Variants in ERN1 observed in about 807,000 individuals in gnomAD.
The protein encoded by ERN1 is serine/threonine-protein kinase/endoribonuclease IRE1.
Under a neutral mutation model 113.1 loss-of-function variants are expected in ERN1, and 39 were observed. The ratio of observed to expected loss-of-function variants is 0.34; its 90% confidence interval spans 0.27 to 0.45. The LOEUF is 0.45. Among genes scored for constraint, ERN1 ranks in the 20% least tolerant of loss-of-function variants. The pLI is 1.00. For missense variants in ERN1, 976 were observed against 1,274.8 expected (o/e 0.77, Z 3.57); for synonymous variants, 507 against 515.9 (o/e 0.98, Z 0.23).
intron 1 of ERN1, among the ~76,000 whole-genome samples, chr17:64,101,296 C>T (rs1914378531): frequency 2.0e-5 from 3 of 152,158 alleles, no homozygotes; most frequent in Admixed American, 2.0e-4. Context: ...GTAATCCCAG[C>T]TACTAGAGAC....
At chr17:64,060,708 A>G in intron 10 of ERN1, 121 bp from the exon 11 acceptor site, 1 of 677,622 alleles carries the variant, frequency 1.5e-6, no homozygotes, top group East Asian at 2.6e-5. Context: ...TCTCAGCAGG[A>G]CTGTGAGTTA....
At chr17:64,075,871 G>C (rs2077041) in intron 4 of ERN1, among the ~76,000 whole-genome samples, 30,977 of 152,162 alleles carry the variant, frequency 0.2, 3,450 homozygotes, top group East Asian at 0.35. Flanking sequence ...CCATGGGAGG[G>C]AGCCAGGACA....
chr17:64,042,780 G>C lies in ERN1; in HGVS notation c.*1208C>G, dbSNP rs1032441709. ...TAATGTTTTACTCTTCAGCATTAGA[G>C]AATGTTCTATACATGAACACTCTTG... On this transcript the variant is annotated 3_prime_UTR_variant, in exon 22 of 22. Coordinates refer to ENST00000433197, the MANE Select transcript of ERN1 (RefSeq NM_001433.5). 1.3e-5 allele frequency: 2 copies of C among 151,962 alleles called. No homozygotes were observed. The highest frequency in any genetic ancestry group is 2.9e-5 in the Non-Finnish European group (2 of 68,036). The allele number at this position is 151,962 out of a possible 1,614,324, so 9.4% of individuals were successfully genotyped here.
Position 64,066,655 on chromosome 17 carries a change from C to T in ERN1, c.842+16G>A, listed in dbSNP as rs1018013818. On this transcript the variant is annotated intron_variant, in intron 8 of 21. Transcript: ENST00000433197. ...AGGCCACGGCCGCCCTCTCCTTCCC[C>T]GAGCTCCCAACTCACGTCAGCTTGC... is the stretch of plus-strand genomic sequence containing the variant. The T allele has an allele frequency of 5.0e-6, 8 of 1,611,862 alleles. No individual in the cohort carries two copies. The highest frequency in any genetic ancestry group is 1.7e-5 in the Admixed American group (1 of 59,982).
chr17:64,048,941 A>G (rs951984889), intron 18 of ERN1, 114 bp downstream of exon 18: 53 of 1,099,826 alleles, frequency 4.8e-5, no homozygotes, highest in Non-Finnish European at 6.2e-5. Context: ...CTGCGGGGTG[A>G]GCAGCTGGGG....
intron 2 of ERN1, among the ~76,000 whole-genome samples, chr17:64,090,503 TCA>T (rs147995704): frequency 6.6e-6 from 1 of 152,328 alleles, no homozygotes; most frequent in East Asian, 1.9e-4. Context: ...TGTCATAACT[TCA>T]CAGAATTCAT....
intron 7 of ERN1, among the ~76,000 whole-genome samples, chr17:64,067,467 G>C (rs968239018): frequency 8.6e-5 from 13 of 151,322 alleles, no homozygotes; most frequent in African/African-American, 2.9e-4. Context: ...GTAGGTGGGG[G>C]AGTGGCGGTA....
chr17:64,078,013 A>C (rs952690128), intron 4 of ERN1, among the ~76,000 whole-genome samples: 1 of 152,118 alleles, frequency 6.6e-6, no homozygotes, highest in South Asian at 2.1e-4. Flanking sequence ...GATTACAGGC[A>C]TGAGCCACCG....
intron 11 of ERN1, among the ~76,000 whole-genome samples, chr17:64,059,509 G>A (rs542174628): frequency 2.8e-4 from 43 of 152,258 alleles, no homozygotes; most frequent in African/African-American, 1.0e-3. Context: ...CTCCTGCAGA[G>A]CCACCCTTCC....
intron 4 of ERN1, 82 bp downstream of exon 4, chr17:64,079,580 C>A: frequency 8.8e-7 from 1 of 1,134,380 alleles, no homozygotes; most frequent in Non-Finnish European, 1.3e-6. Flanking sequence ...AGGTGGGAGA[C>A]ACAGTAAGAC....
chr17:64,065,129 C>A, intron 9 of ERN1, 80 bp downstream of exon 9: 1 of 915,748 alleles, frequency 1.1e-6, no homozygotes, highest in Non-Finnish European at 1.7e-6. Flanking sequence ...CTGCAGGATG[C>A]TCATGCATAG....
chr17:64,125,231 C>G (rs1322869304), intron 1 of ERN1, among the ~76,000 whole-genome samples: 1 of 152,030 alleles, frequency 6.6e-6, no homozygotes, highest in Non-Finnish European at 1.5e-5. Context: ...TTAGGCTTAT[C>G]TATCCTTTCT....
intron 1 of ERN1, among the ~76,000 whole-genome samples, chr17:64,103,947 A>C (rs1486487591): frequency 2.6e-5 from 4 of 151,948 alleles, no homozygotes; most frequent in Non-Finnish European, 5.9e-5. Context: ...CCAGCAAAAA[A>C]ACCACAGCTT....
In ERN1 at chr17:64,071,981, C is replaced by A; in HGVS notation, c.478G>T (p.Glu160Ter). 1 of 1,560,840 alleles carries A rather than the reference C, an allele frequency of 6.4e-7. No homozygotes were observed. The change falls in exon 6 of 22, where the codon GAA (glutamate) becomes TAA (stop). Residue 160 changes from glutamate to a stop codon, truncating the protein, a stop_gained and splice_region_variant. Transcript: ENST00000433197. LOFTEE classifies it high-confidence loss of function. ...STSLLYLGRT[E>*]YTITMYDTKT... ...TAGAAGACAAAGGTTCATTTCTTAC[C>A]TGTTCGCCCAAGATACAGAAGAGAG...
intron 1 of ERN1, among the ~76,000 whole-genome samples, chr17:64,119,564 A>AT (rs777549819): frequency 1.3e-5 from 2 of 150,252 alleles, no homozygotes; most frequent in Non-Finnish European, 3.0e-5. Flanking sequence ...AATTTTTGTC[A>AT]TTTTTTTAGT....
intron 1 of ERN1, among the ~76,000 whole-genome samples, chr17:64,116,524 C>T (rs575300435): frequency 1.7e-4 from 26 of 152,122 alleles, no homozygotes; most frequent in African/African-American, 5.8e-4. Flanking sequence ...TGAGGTAGTA[C>T]CTTTAAAGGT....
chr17:64,061,893 T>C (rs1913066792), intron 10 of ERN1, among the ~76,000 whole-genome samples: 1 of 152,238 alleles, frequency 6.6e-6, no homozygotes. Flanking sequence ...GGGTCCTACC[T>C]GTCTGGTAGG....
chr17:64,048,950 G>A, intron 18 of ERN1, 105 bp downstream of exon 18: 3 of 1,174,690 alleles, frequency 2.6e-6, no homozygotes, highest in Non-Finnish European at 3.4e-6. Context: ...GAGCAGCTGG[G>A]GCACCACGGC....
chr17:64,066,602 G>C (rs1328318281), intron 8 of ERN1, 69 bp downstream of exon 8: 4 of 1,576,968 alleles, frequency 2.5e-6, no homozygotes, highest in Non-Finnish European at 3.5e-6. Context: ...TGCAGGGCCT[G>C]CTACACTGCA....
Sources: allele counts gnomAD v4.1 joint callset (sites outside exome capture counted in the v4.1 genomes callset), GRCh38; gene constraint gnomAD v4.1.1; transcripts MANE v1.5; gene names NCBI Gene and HGNC (gene_info 2026-07-23, HGNC 2026-07-21).